GCKR: variants seen among roughly 807,000 people sequenced by gnomAD.
GCKR encodes the protein glucokinase regulatory protein.
Under a neutral mutation model 82.9 loss-of-function variants are expected in GCKR, and 73 were observed. That is an observed-to-expected ratio of 0.88 (90% CI 0.73 to 1.07). The LOEUF is 1.07. Among genes scored for constraint, GCKR ranks in the 50% least tolerant of loss-of-function variants. The pLI, the probability that GCKR is intolerant of heterozygous loss-of-function variation, is 0.00. For missense variants in GCKR, 784 were observed against 782.1 expected (o/e 1.00, Z -0.03); for synonymous variants, 294 against 291.8 (o/e 1.01, Z -0.08).
At position 27,503,618 on chromosome 2, in the gene GCKR, G is replaced by T; in HGVS notation, c.749G>T (p.Gly250Val). 1 of 1,537,396 alleles carries T rather than the reference G, an allele frequency of 6.5e-7. No individual in the cohort carries two copies. Among genetic ancestry groups the T allele is most frequent in the Non-Finnish European group, 9.0e-7 (1 of 1,109,918 alleles). ...GCTTTTGTGCTCAATCCTGCCATCG[G>T]GGTAGGGCCTCTCCTTTTTCTATGT... ...QKAFVLNPAI[G>V]PEGLSGSSRM... The change falls in exon 9 of 19, where the codon GGG (glycine) becomes GTG (valine). Residue 250 changes from glycine (G) to valine (V), a missense_variant and splice_region_variant. Transcript: ENST00000264717.
chr2:27,517,859 T>C (rs1670047553), intron 16 of GCKR, among the ~76,000 whole-genome samples: 2 of 152,178 alleles, frequency 1.3e-5, no homozygotes, highest in South Asian at 4.1e-4. Flanking sequence ...TGTGGCAAAG[T>C]AGGAAATGCC....
rs758665114 is a variant in GCKR at position 27,497,255 on chromosome 2, C to T, written c.72C>T (p.Tyr24=). 33 of 1,614,130 alleles carry T rather than the reference C, an allele frequency of 2.0e-5. No homozygotes were observed. The highest frequency in any genetic ancestry group is 5.3e-5 in the African/African-American group (4 of 75,044). ...PEPGKWELSG[Y]EAAVPITEKS... The stretch of plus-strand genomic sequence containing the variant: ...CCTCTTCCTTCTAGTTGTCTGGGTA[C>T]GAGGCAGCTGTGCCAATCACGGAGA... The change falls in exon 2 of 19, where the codon TAC becomes TAT. Residue 24 remains tyrosine (Y), a synonymous_variant. Coordinates refer to ENST00000264717, the MANE Select transcript of GCKR (RefSeq NM_001486.4).
intron 16 of GCKR, among the ~76,000 whole-genome samples, chr2:27,513,445 T>C (rs894534221): frequency 2.0e-5 from 3 of 151,848 alleles, no homozygotes. Flanking sequence ...CGGAGAATTG[T>C]TTGAACCAGG....
chr2:27,522,547 G>A lies in GCKR; in HGVS notation c.1660G>A (p.Ala554Thr). Reference protein sequence around the residue: ...FPQPLSDDIRAAPISCHVQVA... With the variant: ...FPQPLSDDIRTAPISCHVQVA... ...CCAGCCACTGTCAGATGATATTCGG[G>A]CTGCTCCCATCTCCTGCCATGTCCA... Residue 554 changes from alanine to threonine, a missense_variant, in exon 18 of 19, where the codon GCT becomes ACT. Coordinates refer to ENST00000264717, the MANE Select transcript of GCKR (RefSeq NM_001486.4). The A allele has an allele frequency of 1.2e-6, 2 of 1,614,082 alleles. No homozygotes were observed. The highest frequency in any genetic ancestry group is 1.7e-6 in the Non-Finnish European group (2 of 1,179,936).
chr2:27,518,595 G>A (rs931055059), intron 16 of GCKR, among the ~76,000 whole-genome samples, 193 bp from the exon 17 acceptor site: 6 of 152,172 alleles, frequency 3.9e-5, no homozygotes, highest in Non-Finnish European at 8.8e-5. Flanking sequence ...GAAGCTACCA[G>A]GTTTGCCTGA....
At chr2:27,499,729 A>G (rs1340911997) in intron 7 of GCKR, among the ~76,000 whole-genome samples, 1 of 152,208 alleles carries the variant, frequency 6.6e-6, no homozygotes, top group East Asian at 1.9e-4. Context: ...CAATGCAGCC[A>G]GCTGCCTGTT....
intron 2 of GCKR, 64 bp from the exon 3 acceptor site, chr2:27,497,498 A>C (rs1669443675): frequency 6.4e-7 from 1 of 1,565,762 alleles, no homozygotes; most frequent in East Asian, 2.2e-5. Flanking sequence ...GGAAACCCTG[A>C]GACCCCCTCC....
At chr2:27,506,735 C>A in intron 11 of GCKR, 53 bp from the exon 12 acceptor site, 1 of 1,226,270 alleles carries the variant, frequency 8.2e-7, no homozygotes, top group Non-Finnish European at 1.2e-6. Context: ...GTGGACATCT[C>A]TGGCCTCTTT....
intron 12 of GCKR, 91 bp from the exon 13 acceptor site, chr2:27,507,144 C>A: frequency 2.1e-6 from 2 of 933,344 alleles, no homozygotes; most frequent in Non-Finnish European, 1.8e-6. Context: ...TGCCACTTTT[C>A]CTCCCAGTCC....
chr2:27,506,991 C>T, intron 12 of GCKR, 106 bp downstream of exon 12: 1 of 820,498 alleles, frequency 1.2e-6, no homozygotes, highest in East Asian at 2.4e-5. Context: ...TCCTCAGTGT[C>T]CCACCTTCCC....
intron 16 of GCKR, among the ~76,000 whole-genome samples, chr2:27,515,541 A>G (rs1669981337): frequency 6.6e-6 from 1 of 152,068 alleles, no homozygotes; most frequent in Admixed American, 6.6e-5. Flanking sequence ...CTCCCAAAGC[A>G]CTGGGATTAT....
Position 27,522,484 on chromosome 2 carries a change from C to T in GCKR, c.1597C>T (p.Arg533Ter), listed in dbSNP as rs776643003. Residue 533 changes from arginine to a stop codon, truncating the protein, a stop_gained, in exon 18 of 19, where the codon CGA becomes TGA. Transcript: ENST00000264717. LOFTEE classifies it high-confidence loss of function. ...GCGGTTCTCTGGACAGTCCAAGGCT[C>T]GATGCATCGAGAGCCTCCTCCGAGC... ...LQRFSGQSKA[R>*]CIESLLRAIH... 16 of 1,613,586 alleles carry T rather than the reference C, an allele frequency of 9.9e-6. No homozygotes were observed. Among genetic ancestry groups the T allele is most frequent in the African/African-American group, 8.0e-5 (6 of 74,886 alleles).
chr2:27,504,548 C>T (rs1276182183), intron 9 of GCKR, among the ~76,000 whole-genome samples: 1 of 151,412 alleles, frequency 6.6e-6, no homozygotes, highest in Non-Finnish European at 1.5e-5. Context: ...AATAGACAGC[C>T]TGTTGGCCAG....
At chr2:27,499,789 G>T (rs897099643) in intron 7 of GCKR, among the ~76,000 whole-genome samples, 1 of 152,046 alleles carries the variant, frequency 6.6e-6, no homozygotes, top group African/African-American at 2.4e-5. Flanking sequence ...ATGGAGTCTC[G>T]CTCTGTCACC....
At chr2:27,523,100 T>C (rs906098421) in intron 18 of GCKR, among the ~76,000 whole-genome samples, 169 bp from the exon 19 acceptor site, 4 of 152,166 alleles carry the variant, frequency 2.6e-5, no homozygotes, top group Admixed American at 2.6e-4. Context: ...GGTTTCGCCA[T>C]ATTGGCCAGG....
In GCKR at chr2:27,496,972, C is replaced by G; in HGVS notation, c.60+8C>G. On this transcript the variant is annotated splice_region_variant and intron_variant, in intron 1 of 18. Coordinates refer to ENST00000264717, the MANE Select transcript of GCKR (RefSeq NM_001486.4). ...GAGCCTGGCAAGTGGGAGGTGAGACCCCTTCTTCATGTTGGCTTTCTGTGC... is the reference window on the plus strand; with the variant it reads ...GAGCCTGGCAAGTGGGAGGTGAGACGCCTTCTTCATGTTGGCTTTCTGTGC... 1 of 1,606,566 alleles carries G rather than the reference C, an allele frequency of 6.2e-7. No homozygotes were observed. Among genetic ancestry groups the G allele is most frequent in the Non-Finnish European group, 8.5e-7 (1 of 1,173,206 alleles).
intron 16 of GCKR, among the ~76,000 whole-genome samples, chr2:27,515,400 C>T (rs537598174): frequency 3.9e-5 from 6 of 151,986 alleles, no homozygotes; most frequent in South Asian, 2.1e-4. Flanking sequence ...CTCAGCCTCC[C>T]GAGTGACTGG....
intron 7 of GCKR, 146 bp downstream of exon 7, chr2:27,499,596 G>A: frequency 1.3e-6 from 1 of 752,422 alleles, no homozygotes; most frequent in East Asian, 2.5e-5. Context: ...CACTAACTTG[G>A]ATCAAGTTGT....
At position 27,501,249 on chromosome 2, in the gene GCKR, TG is replaced by T; in HGVS notation, c.644+23del. ...GGCCAGGTGAGCCTTCTGGAATGACTGGGCAGCCCTGGGGCAGGCTGGAGGG... is the reference window on the plus strand; with the variant it reads ...GGCCAGGTGAGCCTTCTGGAATGACTGGCAGCCCTGGGGCAGGCTGGAGGG... On this transcript the variant is annotated intron_variant, in intron 8 of 18. Transcript: ENST00000264717. 2 of 1,493,954 alleles carry T rather than the reference TG, an allele frequency of 1.3e-6. No individual in the cohort carries two copies. Among genetic ancestry groups the T allele is most frequent in the Non-Finnish European group, 1.9e-6 (2 of 1,070,054 alleles). 92.5% of individuals were successfully genotyped at this position (1,493,954 alleles called of 1,614,324 possible).
Sources: allele counts gnomAD v4.1 joint callset (sites outside exome capture counted in the v4.1 genomes callset), GRCh38; gene constraint gnomAD v4.1.1; transcripts MANE v1.5; gene names NCBI Gene and HGNC (gene_info 2026-07-23, HGNC 2026-07-21).